Variants in FRMD3 observed in about 807,000 individuals in gnomAD.
FRMD3 encodes the protein FERM domain containing 3, also known as FERM domain-containing protein 3.
Under a neutral mutation model 70.2 loss-of-function variants are expected in FRMD3, and 33 were observed. The observed-to-expected ratio is 0.47, with a 90% CI of 0.36 to 0.63. FRMD3 has a LOEUF of 0.63. Ranked by LOEUF, FRMD3 falls within the 20% of genes least tolerant of loss-of-function variation. FRMD3 has a pLI of 0.00. For missense variants in FRMD3, 632 were observed against 711.4 expected, an observed-to-expected ratio of 0.89 and a Z score of 1.27; for synonymous variants, 279 against 255.9, an observed-to-expected ratio of 1.09 and a Z score of -0.86.
intron 1 of FRMD3, among the ~76,000 whole-genome samples, chr9:83,512,836 C>G (rs1010024742): frequency 1.3e-5 from 2 of 152,212 alleles, no homozygotes; most frequent in African/African-American, 4.8e-5. Flanking sequence ...GAATTTTAAA[C>G]AGGGCCTTTG....
chr9:83,407,867 C>CTCA, intron 1 of FRMD3, among the ~76,000 whole-genome samples: 1 of 121,638 alleles, frequency 8.2e-6, no homozygotes, highest in East Asian at 2.4e-4. Context: ...CTCTCTCTCT[C>CTCA]TCTCTCATCT....
Position 83,246,062 on chromosome 9 carries a change from TGA to T in FRMD3, c.*1854_*1855del, listed in dbSNP as rs1422090787. The T allele has an allele frequency of 4.1e-6, 4 of 985,398 alleles. No individual in the cohort carries two copies. Among genetic ancestry groups the T allele is most frequent in the Non-Finnish European group, 4.8e-6 (4 of 829,916 alleles). The allele number at this position is 985,398 out of a possible 1,614,324, so 61.0% of individuals were successfully genotyped here. ...TTGCTCGACTGCAGGCTTCACGAAC[TGA>T]GTTTCAAAACTCATTTCCAAAATTA... On this transcript the variant is annotated 3_prime_UTR_variant, in exon 14 of 14. Coordinates refer to ENST00000304195, the MANE Select transcript of FRMD3 (RefSeq NM_174938.6).
chr9:83,346,026 C>G lies in FRMD3; in HGVS notation c.375-2739G>C, dbSNP rs1387263586. Among the ~76,000 whole-genome samples the G allele has an allele frequency of 3.3e-5, 5 of 152,212 alleles. No homozygotes were observed. The East Asian group carries it at 7.7e-4, about 24-fold the overall frequency. ...ACTCCCAGCATTTGGGAGGCCGAGGCAGGCGGATAGCCTGAGGTCAGGAGT... is the reference window on the plus strand; with the variant it reads ...ACTCCCAGCATTTGGGAGGCCGAGGGAGGCGGATAGCCTGAGGTCAGGAGT... On this transcript the variant is annotated intron_variant, in intron 4 of 13. Transcript: ENST00000304195.
At chr9:83,572,595 G>T in the FRMD3 span, among the ~76,000 whole-genome samples, 4 of 152,212 alleles carry the variant, frequency 2.6e-5, no homozygotes, top group African/African-American at 4.8e-5. Context: ...AGAGTAAATA[G>T]ATTAGAGAAA....
chr9:83,563,832 G>A, the FRMD3 span, among the ~76,000 whole-genome samples: 1 of 152,160 alleles, frequency 6.6e-6, no homozygotes, highest in African/African-American at 2.4e-5. Flanking sequence ...GATGCCTGGG[G>A]ATTTGCAGAG....
At chr9:83,417,336 G>A (rs538005330) in intron 1 of FRMD3, among the ~76,000 whole-genome samples, 10 of 152,246 alleles carry the variant, frequency 6.6e-5, no homozygotes, top group African/African-American at 1.2e-4. Context: ...TGCTCTCAGG[G>A]AGCTTATATT....
intron 1 of FRMD3, among the ~76,000 whole-genome samples, chr9:83,425,088 C>G (rs962428505): frequency 2.6e-5 from 4 of 152,200 alleles, no homozygotes; most frequent in East Asian, 1.9e-4. Flanking sequence ...AATGGCTCAC[C>G]CATCTGTCCA....
intron 1 of FRMD3, among the ~76,000 whole-genome samples, chr9:83,531,433 T>C (rs926468328): frequency 6.6e-5 from 10 of 152,180 alleles, no homozygotes; most frequent in Non-Finnish European, 1.5e-5. Flanking sequence ...TGGAATAACA[T>C]TACATTTTTT....
At chr9:83,454,319 C>CAG (rs1257792656) in intron 1 of FRMD3, among the ~76,000 whole-genome samples, 4 of 152,284 alleles carry the variant, frequency 2.6e-5, no homozygotes, top group Admixed American at 2.6e-4. Context: ...TGCCAGTGGG[C>CAG]AGCAGTAAAT....
At chr9:83,424,093 G>C (rs1350726700) in intron 1 of FRMD3, among the ~76,000 whole-genome samples, 1 of 152,154 alleles carries the variant, frequency 6.6e-6, no homozygotes, top group Non-Finnish European at 1.5e-5. Context: ...GAGTAGTCTG[G>C]GGAGGGGCCT....
intron 1 of FRMD3, among the ~76,000 whole-genome samples, chr9:83,444,950 T>A (rs548154058): frequency 6.6e-6 from 1 of 152,240 alleles, no homozygotes; most frequent in South Asian, 2.1e-4. Context: ...ATACCTGTGG[T>A]TGGCTCTTTC....
At position 83,307,290 on chromosome 9, in the gene FRMD3, T is replaced by C. The variant is rs185684796; in HGVS notation, c.926+2246A>G. Among the ~76,000 whole-genome samples, 66 of 152,190 alleles carry C rather than the reference T, an allele frequency of 4.3e-4. 1 individual carries two copies. The highest frequency in any genetic ancestry group is 1.6e-3 in the Admixed American group (25 of 15,286). ...GGTCCTCAAAAAGCTAAATATAGAG[T>C]TACCCTATGACCCAGCAGTTCCATC... is the stretch of plus-strand genomic sequence containing the variant. On this transcript the variant is annotated intron_variant, in intron 10 of 13. Coordinates refer to ENST00000304195, the MANE Select transcript of FRMD3 (RefSeq NM_174938.6).
At chr9:83,274,600 G>A (rs1165788163) in intron 13 of FRMD3, among the ~76,000 whole-genome samples, 1 of 152,194 alleles carries the variant, frequency 6.6e-6, no homozygotes, top group Non-Finnish European at 1.5e-5. Flanking sequence ...GTGCTGGAAG[G>A]AGAAGCTTTG....
intron 3 of FRMD3, among the ~76,000 whole-genome samples, chr9:83,357,245 ACATATATATATATAT>A (rs1824404532): frequency 0.014 from 89 of 6,492 alleles, 8 homozygotes; most frequent in African/African-American, 0.035. Context: ...TATAATACAT[ACATATATATATATAT>A]ATATATATAT....
intron 13 of FRMD3, among the ~76,000 whole-genome samples, chr9:83,248,740 T>C (rs1397266180): frequency 6.6e-6 from 1 of 152,210 alleles, no homozygotes; most frequent in Non-Finnish European, 1.5e-5. Context: ...TCTCAAATGG[T>C]TGGCAATATT....
chr9:83,363,553 C>CTTTTTT (rs34789292), intron 3 of FRMD3, among the ~76,000 whole-genome samples: 12 of 113,342 alleles, frequency 1.1e-4, no homozygotes, highest in East Asian at 2.6e-4. Context: ...GAGACATAGG[C>CTTTTTT]TTTTTTTTTT....
At chr9:83,422,570 AG>A (rs1354540730) in intron 1 of FRMD3, among the ~76,000 whole-genome samples, 5 of 152,236 alleles carry the variant, frequency 3.3e-5, no homozygotes, top group Non-Finnish European at 7.3e-5. Context: ...TCTCATAGCA[AG>A]CTTCATTTTC....
intron 4 of FRMD3, among the ~76,000 whole-genome samples, chr9:83,347,297 T>A (rs1823994217): frequency 9.1e-6 from 1 of 109,480 alleles, no homozygotes; most frequent in Non-Finnish European, 2.1e-5. Flanking sequence ...AGGATGCTCA[T>A]TTTTTTTATA....
intron 4 of FRMD3, among the ~76,000 whole-genome samples, chr9:83,345,950 C>G (rs1823943592): frequency 6.6e-6 from 1 of 151,844 alleles, no homozygotes. Flanking sequence ...TAACACTATT[C>G]ATTATAGCTA....
Sources: allele counts gnomAD v4.1 joint callset (sites outside exome capture counted in the v4.1 genomes callset), GRCh38; gene constraint gnomAD v4.1.1; transcripts MANE v1.5; gene names NCBI Gene and HGNC (gene_info 2026-07-23, HGNC 2026-07-21).